NSMAF: variants seen among roughly 807,000 people sequenced by gnomAD.
NSMAF encodes neutral sphingomyelinase activation associated factor, also known as protein FAN.
In NSMAF, 90 loss-of-function variants were observed where a neutral mutation model predicts 134.9. The ratio of observed to expected loss-of-function variants is 0.67; its 90% CI spans 0.56 to 0.79. NSMAF has a LOEUF of 0.79. Ranked by LOEUF, NSMAF falls within the 30% of genes least tolerant of loss-of-function variation. NSMAF has a pLI of 0.00. For missense variants in NSMAF, 1,010 were observed against 1,119.0 expected, an observed-to-expected ratio of 0.90 and a Z score of 1.39; for synonymous variants, 358 against 389.6, an observed-to-expected ratio of 0.92 and a Z score of 0.96.
intron 1 of NSMAF, among the ~76,000 whole-genome samples, chr8:58,643,439 CCCCACCTCTT>C (rs1435866577): frequency 6.6e-6 from 1 of 152,148 alleles, no homozygotes; most frequent in African/African-American, 2.4e-5. Flanking sequence ...TGCTAGGCTT[CCCCACCTCTT>C]CCCTGTCATA....
Position 58,659,710 on chromosome 8 carries a change from G to T in NSMAF, c.-79C>A. On this transcript the variant is annotated 5_prime_UTR_variant, in exon 1 of 31. Transcript: ENST00000038176. Reference sequence around the variant, plus strand: ...GCCGAGGAGGTCCGGAGGAGCCGGGGAGGGCGGGATTGGTGGCCGGCTGGG... The same window carrying T: ...GCCGAGGAGGTCCGGAGGAGCCGGGTAGGGCGGGATTGGTGGCCGGCTGGG... The T allele has an allele frequency of 8.3e-7, 1 of 1,205,560 alleles. No individual in the cohort carries two copies. Among genetic ancestry groups the T allele is most frequent in the Non-Finnish European group, 1.1e-6 (1 of 935,994 alleles). 74.7% of individuals were successfully genotyped at this position (1,205,560 alleles called of 1,614,324 possible).
At chr8:58,625,610 G>A (rs1806912339) in intron 6 of NSMAF, among the ~76,000 whole-genome samples, 1 of 152,102 alleles carries the variant, frequency 6.6e-6, no homozygotes, top group African/African-American at 2.4e-5. Context: ...TAGCTCTGTT[G>A]TTTGATTACC....
At chr8:58,627,146 C>T (rs1295541774) in intron 6 of NSMAF, among the ~76,000 whole-genome samples, 1 of 152,128 alleles carries the variant, frequency 6.6e-6, no homozygotes, top group East Asian at 1.9e-4. Flanking sequence ...AAATTTTCTC[C>T]CACTCTGTGG....
Position 58,634,941 on chromosome 8 carries a change from G to A in NSMAF, c.333+248C>T, listed in dbSNP as rs77805388. On this transcript the variant is annotated intron_variant, in intron 5 of 30. Coordinates refer to ENST00000038176, the MANE Select transcript of NSMAF (RefSeq NM_003580.4). ...GCTGCATCCCTTCATTTCAAGCCTC[G>A]TAAATCATAAATCGTGAGAGCTCCA... Among the ~76,000 whole-genome samples, 205 of 152,216 alleles carry A rather than the reference G, an allele frequency of 1.3e-3. 3 individuals are homozygous for A. In the East Asian group the frequency reaches 0.034, roughly 25 times the overall value.
intron 1 of NSMAF, chr8:58,659,059 C>T (rs891438404): frequency 1.3e-5 from 9 of 705,606 alleles, no homozygotes; most frequent in Middle Eastern, 4.2e-4. Flanking sequence ...AGGAAAAAGG[C>T]GCGGCAATGC....
At chr8:58,606,148 TA>T in intron 11 of NSMAF, 113 bp from the exon 12 acceptor site, 2 of 914,678 alleles carry the variant, frequency 2.2e-6, no homozygotes, top group Non-Finnish European at 3.2e-6. Flanking sequence ...TTTATTTTTA[TA>T]ACTTATATTC....
intron 9 of NSMAF, among the ~76,000 whole-genome samples, chr8:58,613,716 A>G (rs2129142947): frequency 6.6e-6 from 1 of 152,154 alleles, no homozygotes; most frequent in Non-Finnish European, 1.5e-5. Context: ...CATAAATACT[A>G]TTATATTATA....
At chr8:58,584,468 T>C (rs886088638) in intron 30 of NSMAF, among the ~76,000 whole-genome samples, 1 of 152,100 alleles carries the variant, frequency 6.6e-6, no homozygotes, top group African/African-American at 2.4e-5. Flanking sequence ...ACAATGCAAA[T>C]AAATACCTTG....
rs769040347 is a variant in NSMAF at position 58,649,522 on chromosome 8, C to T, written c.60-6449G>A. 1.3e-4 allele frequency among the ~76,000 whole-genome samples: 20 copies of T among 152,042 alleles called. 1 individual carries two copies. The highest frequency in any genetic ancestry group is 4.4e-4 in the African/African-American group (18 of 41,376). ...GAATGATATAGTTCGGATGTTTGTC[C>T]CCTCCGAATCTCATGTTAATATGGA... On this transcript the variant is annotated intron_variant, in intron 1 of 30. Transcript: ENST00000038176.
chr8:58,590,938 A>T lies in NSMAF; in HGVS notation c.1952-4T>A. The T allele has an allele frequency of 6.4e-7, 1 of 1,569,380 alleles. No individual in the cohort carries two copies. Among genetic ancestry groups the T allele is most frequent in the Non-Finnish European group, 8.7e-7 (1 of 1,147,800 alleles). On this transcript the variant is annotated splice_polypyrimidine_tract_variant and splice_region_variant and intron_variant, in intron 23 of 30. Coordinates refer to ENST00000038176, the MANE Select transcript of NSMAF (RefSeq NM_003580.4). The stretch of plus-strand genomic sequence containing the variant: ...GAAAACATCTTCAAGGTGGAATCTA[A>T]TTTAATAATGAGAAGTAGATATATA...
At chr8:58,610,195 A>G (rs1191223274) in intron 9 of NSMAF, among the ~76,000 whole-genome samples, 2 of 152,224 alleles carry the variant, frequency 1.3e-5, no homozygotes, top group African/African-American at 4.8e-5. Context: ...GAGTAACTGT[A>G]TATTCCTTTG....
chr8:58,659,362 G>C (rs1198805240), intron 1 of NSMAF: 1 of 1,524,870 alleles, frequency 6.6e-7, no homozygotes, highest in African/African-American at 1.4e-5. Context: ...TCCTGTCCCC[G>C]GCAGGCTCCG....
chr8:58,645,778 C>T (rs1031119727), intron 1 of NSMAF, among the ~76,000 whole-genome samples: 106 of 152,300 alleles, frequency 7.0e-4, no homozygotes, highest in African/African-American at 2.4e-3. Flanking sequence ...CAGCGGCTCA[C>T]ACCTGTAATC....
chr8:58,616,894 C>A (rs964902424), intron 9 of NSMAF, among the ~76,000 whole-genome samples: 3 of 151,802 alleles, frequency 2.0e-5, no homozygotes, highest in Non-Finnish European at 4.4e-5. Context: ...GTATACAAGG[C>A]CAATTAAAAA....
At chr8:58,608,883 T>C (rs1413000493) in intron 10 of NSMAF, among the ~76,000 whole-genome samples, 1 of 152,242 alleles carries the variant, frequency 6.6e-6, no homozygotes, top group Non-Finnish European at 1.5e-5. Flanking sequence ...CCCTGCCAAA[T>C]GGCCCCACAG....
At chr8:58,600,547 C>T (rs540452463) in intron 16 of NSMAF, among the ~76,000 whole-genome samples, 4 of 142,612 alleles carry the variant, frequency 2.8e-5, no homozygotes, top group South Asian at 2.2e-4. Context: ...CGCTTGAACC[C>T]GAGGCGGAGG....
chr8:58,656,016 C>A (rs957502960), intron 1 of NSMAF, among the ~76,000 whole-genome samples: 2 of 150,664 alleles, frequency 1.3e-5, no homozygotes, highest in Admixed American at 1.3e-4. Flanking sequence ...CTATCTAAAT[C>A]TTTTTTTTGT....
chr8:58,588,703 A>C (rs1805951672), intron 26 of NSMAF: 2 of 1,543,664 alleles, frequency 1.3e-6, no homozygotes, highest in Non-Finnish European at 1.8e-6. Context: ...AGTGCAGCGA[A>C]TAGGCTGCAC....
At position 58,597,559 on chromosome 8, in the gene NSMAF, C is replaced by G; in HGVS notation, c.1629-9G>C. The G allele has an allele frequency of 6.2e-7, 1 of 1,613,500 alleles. No homozygotes were observed. The highest frequency in any genetic ancestry group is 8.5e-7 in the Non-Finnish European group (1 of 1,179,602). The stretch of plus-strand genomic sequence containing the variant: ...CATCAGGATCCTGGATGCTTTGGGA[C>G]AGAACACAAATAATGCAGTGAACCA... On this transcript the variant is annotated splice_polypyrimidine_tract_variant and intron_variant, in intron 20 of 30. Transcript: ENST00000038176.
Sources: allele counts gnomAD v4.1 joint callset (sites outside exome capture counted in the v4.1 genomes callset), GRCh38; gene constraint gnomAD v4.1.1; transcripts MANE v1.5; gene names NCBI Gene and HGNC (gene_info 2026-07-23, HGNC 2026-07-21).